MYO5B: variants seen among roughly 807,000 people sequenced by gnomAD.
MYO5B encodes myosin VB.
MYO5B carries 143 observed loss-of-function variants against 229.3 expected under a neutral mutation model. The observed-to-expected ratio is 0.62, with a 90% CI of 0.54 to 0.72. MYO5B has a LOEUF of 0.72. MYO5B is among the 30% of genes least tolerant of loss of function. MYO5B has a pLI of 0.00. For synonymous variants in MYO5B, 918 were observed against 885.2 expected (o/e 1.04, Z -0.66); for missense variants, 2,321 against 2,331.0 (o/e 1.00, Z 0.09).
intron 1 of MYO5B, among the ~76,000 whole-genome samples, chr18:50,185,119 A>C (rs777162736): frequency 1.8e-4 from 28 of 151,942 alleles, no homozygotes; most frequent in Admixed American, 6.6e-5. Flanking sequence ...AAATGAGCAA[A>C]AACAGTTATA....
chr18:50,036,165 T>C (rs963783159), intron 4 of MYO5B, among the ~76,000 whole-genome samples: 1 of 152,252 alleles, frequency 6.6e-6, no homozygotes, highest in African/African-American at 2.4e-5. Flanking sequence ...CATTTTAGCA[T>C]TAACTGAGAC....
intron 10 of MYO5B, among the ~76,000 whole-genome samples, chr18:49,973,395 C>T (rs1027271824): frequency 2.0e-4 from 31 of 152,130 alleles, no homozygotes; most frequent in African/African-American, 7.0e-4. Flanking sequence ...AGGTGAGTAC[C>T]GGGTGAGTTC....
At chr18:50,043,487 AT>A (rs1390201619) in intron 2 of MYO5B, among the ~76,000 whole-genome samples, 22 of 123,236 alleles carry the variant, frequency 1.8e-4, no homozygotes, top group South Asian at 6.7e-4. Context: ...ATATAAATAT[AT>A]TTTTATATAT....
chr18:49,873,743 G>A (rs138349162), intron 26 of MYO5B, among the ~76,000 whole-genome samples: 5 of 152,328 alleles, frequency 3.3e-5, no homozygotes, highest in African/African-American at 7.2e-5. Flanking sequence ...TGGCAGTCAC[G>A]TTCGTAAGTG....
chr18:50,193,342 G>C (rs1174920098), intron 1 of MYO5B, among the ~76,000 whole-genome samples: 1 of 152,226 alleles, frequency 6.6e-6, no homozygotes, highest in Admixed American at 6.5e-5. Context: ...TGGTGGGCTC[G>C]GAAGCTGTAT....
intron 1 of MYO5B, among the ~76,000 whole-genome samples, chr18:50,173,434 C>T (rs115705071): frequency 0.015 from 2,317 of 152,200 alleles, 56 homozygotes; most frequent in African/African-American, 0.053. Flanking sequence ...GAAGCATCTA[C>T]GTGATTTCCA....
At chr18:49,990,109 T>C (rs2025913053) in intron 7 of MYO5B, among the ~76,000 whole-genome samples, 2 of 152,238 alleles carry the variant, frequency 1.3e-5, no homozygotes, top group African/African-American at 4.8e-5. Flanking sequence ...TCTAGATTCT[T>C]AGGTTTGGGA....
At chr18:49,847,342 G>A in intron 32 of MYO5B, 53 bp from the exon 33 acceptor site, 1 of 1,591,530 alleles carries the variant, frequency 6.3e-7, no homozygotes, top group Non-Finnish European at 8.6e-7. Context: ...CTGCAGGCCT[G>A]AGGGTAGCGG....
chr18:50,028,515 T>TG (rs1356393349), intron 4 of MYO5B, among the ~76,000 whole-genome samples: 5 of 150,320 alleles, frequency 3.3e-5, no homozygotes. Flanking sequence ...TGGGCCAGAG[T>TG]GGGGGGCAAG....
At chr18:49,863,984 C>T (rs886887613) in intron 28 of MYO5B, among the ~76,000 whole-genome samples, 157 bp downstream of exon 28, 1 of 152,194 alleles carries the variant, frequency 6.6e-6, no homozygotes, top group African/African-American at 2.4e-5. Flanking sequence ...GACAGGGCAG[C>T]AAGGCTTTTG....
chr18:49,910,167 T>C (rs1598875711), intron 18 of MYO5B, among the ~76,000 whole-genome samples: 3 of 152,278 alleles, frequency 2.0e-5, no homozygotes, highest in Admixed American at 6.5e-5. Flanking sequence ...AGGCCCAGTG[T>C]CCTGAGCACA....
At chr18:49,972,318 G>A (rs1201764541) in intron 10 of MYO5B, among the ~76,000 whole-genome samples, 1 of 152,156 alleles carries the variant, frequency 6.6e-6, no homozygotes, top group Non-Finnish European at 1.5e-5. Flanking sequence ...GCTGACATCT[G>A]TGGACTCAGC....
chr18:50,008,191 A>G (rs111951137), intron 4 of MYO5B, among the ~76,000 whole-genome samples: 3,602 of 152,232 alleles, frequency 0.024, 141 homozygotes, highest in African/African-American at 0.083. Flanking sequence ...CTGGCTTGAC[A>G]TCACTTCTCT....
chr18:50,145,497 C>CAAAAAAAAAAAAAAAAAAAAAAAAAAAAA (rs369507800), intron 1 of MYO5B, among the ~76,000 whole-genome samples: 2 of 69,986 alleles, frequency 2.9e-5, no homozygotes, highest in African/African-American at 1.2e-4. Flanking sequence ...GACTCCATCT[C>CAAAAAAAAAAAAAAAAAAAAAAAAAAAAA]AAAAAAAAAA....
At chr18:49,878,100 G>A (rs565749923) in intron 24 of MYO5B, among the ~76,000 whole-genome samples, 43 of 152,016 alleles carry the variant, frequency 2.8e-4, no homozygotes, top group African/African-American at 9.4e-4. Context: ...TTAATGAAAC[G>A]CAAATTCCTA....
chr18:50,090,862 T>C, intron 1 of MYO5B, among the ~76,000 whole-genome samples: 1 of 152,190 alleles, frequency 6.6e-6, no homozygotes, highest in East Asian at 1.9e-4. Context: ...GAGGGCTTCC[T>C]GTTCAAACAA....
intron 2 of MYO5B, among the ~76,000 whole-genome samples, chr18:50,051,104 G>T (rs555515819): frequency 6.6e-6 from 1 of 152,320 alleles, no homozygotes; most frequent in South Asian, 2.1e-4. Context: ...CAGCTGGATA[G>T]AAACTGAATA....
At chr18:49,921,231 G>A (rs2025071540) in intron 17 of MYO5B, among the ~76,000 whole-genome samples, 2 of 150,348 alleles carry the variant, frequency 1.3e-5, no homozygotes, top group Admixed American at 1.3e-4. Context: ...GGGAGGATGT[G>A]GAGGAGAACT....
intron 1 of MYO5B, among the ~76,000 whole-genome samples, chr18:50,073,363 C>T (rs79584162): frequency 1.3e-5 from 2 of 152,154 alleles, no homozygotes; most frequent in African/African-American, 4.8e-5. Flanking sequence ...TGAACTCAAA[C>T]CCAGGTGAAC....
Sources: allele counts gnomAD v4.1 joint callset (sites outside exome capture counted in the v4.1 genomes callset), GRCh38; gene constraint gnomAD v4.1.1; transcripts MANE v1.5; gene names NCBI Gene and HGNC (gene_info 2026-07-23, HGNC 2026-07-21).